The following CAMTA1 variants were observed in gnomAD, a reference collection of about 807,000 sequenced individuals.
The protein encoded by CAMTA1 is calmodulin binding transcription activator 1.
In CAMTA1, 27 loss-of-function variants were observed where a neutral mutation model predicts 170.9. That is an observed-to-expected ratio of 0.16 (90% CI 0.12 to 0.22). The LOEUF (loss-of-function observed/expected upper bound fraction) is 0.22, where lower values mean the gene tolerates loss of function less well. Among genes scored for constraint, CAMTA1 ranks in the 10% least tolerant of loss-of-function variants. The pLI, the probability that CAMTA1 is intolerant of heterozygous loss-of-function variation, is 1.00. For synonymous variants in CAMTA1, 833 were observed against 891.5 expected, an observed-to-expected ratio of 0.93 and a Z score of 1.17; for missense variants, 1,619 against 2,217.2, an observed-to-expected ratio of 0.73 and a Z score of 5.42.
In CAMTA1 at chr1:7,680,217, T is replaced by C. The variant is rs928174742; in HGVS notation, c.2914+2484T>C. 1.1e-5 allele frequency: 3 copies of C among 276,714 alleles called. No homozygotes were observed. Among genetic ancestry groups the C allele is most frequent in the South Asian group, 2.7e-5 (1 of 36,810 alleles). The allele number at this position is 276,714 out of a possible 1,614,324, so 17.1% of individuals were successfully genotyped here. ...CAATGCTGCAGTGGCCGGGCGGTGG[T>C]GAGCCTTCCGTTCCCCGCCTGTCCC... On this transcript the variant is annotated intron_variant, in intron 11 of 22. Coordinates refer to ENST00000303635, the MANE Select transcript of CAMTA1 (RefSeq NM_015215.4). This position sits in a 1 kb window ranked among gnomAD's most constrained non-coding sequence, Gnocchi z 4.4.
chr1:7,434,027 G>T (rs1241654960), intron 5 of CAMTA1, among the ~76,000 whole-genome samples: 1 of 152,100 alleles, frequency 6.6e-6, no homozygotes, highest in Non-Finnish European at 1.5e-5. Context: ...GCTTCGCCCT[G>T]TCCCCTGTCC....
intron 5 of CAMTA1, among the ~76,000 whole-genome samples, chr1:7,346,695 A>T (rs139709210): frequency 6.6e-6 from 1 of 152,318 alleles, no homozygotes; most frequent in East Asian, 1.9e-4. Flanking sequence ...GGGGACTGTC[A>T]TTCTCCCAGC....
At chr1:7,196,702 G>A (rs1655594109) in intron 4 of CAMTA1, among the ~76,000 whole-genome samples, 1 of 152,172 alleles carries the variant, frequency 6.6e-6, no homozygotes, top group Admixed American at 6.5e-5. Flanking sequence ...TAAAGAGATG[G>A]GTTCTAGATA....
chr1:7,229,560 A>AG (rs1662333093), intron 4 of CAMTA1, among the ~76,000 whole-genome samples: 2 of 51,748 alleles, frequency 3.9e-5, no homozygotes, highest in African/African-American at 7.7e-5. Flanking sequence ...GATGGGGTGG[A>AG]GAGGGGGAGA....
Position 7,592,003 on chromosome 1 carries a change from A to T in CAMTA1, c.511-48397A>T, listed in dbSNP as rs1257556948. ...AACCTCCGCCTTGTGGGTTCAAGTG[A>T]TTCTCCTGCCTCAGCCTCCTAAGTA... is the stretch of plus-strand genomic sequence containing the variant. On this transcript the variant is annotated intron_variant, in intron 6 of 22. Transcript: ENST00000303635. This position sits in a 1 kb window ranked among gnomAD's most constrained non-coding sequence, Gnocchi z 4.6. Among the ~76,000 whole-genome samples the T allele has an allele frequency of 6.6e-6, 1 of 152,112 alleles. No homozygotes were observed. Among genetic ancestry groups the T allele is most frequent in the African/African-American group, 2.4e-5 (1 of 41,412 alleles).
intron 3 of CAMTA1, chr1:6,871,679 A>G: frequency 2.4e-6 from 3 of 1,248,890 alleles, no homozygotes; most frequent in Non-Finnish European, 3.4e-6. Flanking sequence ...GTTCAGTTAC[A>G]GTGGAATCTT....
chr1:6,938,325 A>G (rs973378630), intron 3 of CAMTA1, among the ~76,000 whole-genome samples: 9 of 152,016 alleles, frequency 5.9e-5, no homozygotes, highest in African/African-American at 1.9e-4. Flanking sequence ...CGGCTGAGAG[A>G]CTGGTTGGCT....
chr1:7,031,029 G>A (rs558689674), intron 3 of CAMTA1, among the ~76,000 whole-genome samples: 46 of 95,452 alleles, frequency 4.8e-4, no homozygotes, highest in Non-Finnish European at 7.9e-4. Flanking sequence ...TTTTTTTTTA[G>A]TAGAGACAGG....
chr1:7,661,103 C>G (rs2095952613), intron 7 of CAMTA1, among the ~76,000 whole-genome samples: 1 of 152,248 alleles, frequency 6.6e-6, no homozygotes, highest in Non-Finnish European at 1.5e-5. Flanking sequence ...GCACTGGGCA[C>G]TGAGCTACCT....
Position 7,536,623 on chromosome 1 carries a change from G to A in CAMTA1, c.510+68722G>A, listed in dbSNP as rs374627633. Among the ~76,000 whole-genome samples the A allele has an allele frequency of 2.0e-4, 31 of 152,300 alleles. 1 individual carries two copies. In the South Asian group the frequency reaches 6.0e-3, roughly 30 times the overall value. ...ACCGGGCAGGGCTGCTGGGGGCAGG[G>A]ACGGGGCTGGGACACCGGCCCCTGG... On this transcript the variant is annotated intron_variant, in intron 6 of 22. Coordinates refer to ENST00000303635, the MANE Select transcript of CAMTA1 (RefSeq NM_015215.4).
At position 7,014,731 on chromosome 1, in the gene CAMTA1, C is replaced by T. The variant is rs557395981; in HGVS notation, c.235-76573C>T. Among the ~76,000 whole-genome samples, 5 of 152,290 alleles carry T rather than the reference C, an allele frequency of 3.3e-5. No homozygotes were observed. The highest frequency in any genetic ancestry group is 1.2e-4 in the African/African-American group (5 of 41,568). On this transcript the variant is annotated intron_variant, in intron 3 of 22. Transcript: ENST00000303635. The surrounding 1 kb of genome is among the most constrained non-coding windows in gnomAD (Gnocchi z 4.2). ...ACCAGGCTCCTCGTAAGAGGTGGGA[C>T]TCAGCCGAGGGGGCCAGTCTAGAGG...
At chr1:6,969,350 C>T (rs953814640) in intron 3 of CAMTA1, among the ~76,000 whole-genome samples, 11 of 152,104 alleles carry the variant, frequency 7.2e-5, no homozygotes, top group South Asian at 4.2e-4. Flanking sequence ...GGGCAAGGAA[C>T]GCTGCAGAAG....
rs1253528820 is a variant in CAMTA1 at position 7,766,457 on chromosome 1, A to G, written c.4990-2A>G. On this transcript the variant is annotated splice_acceptor_variant, in intron 22 of 22. Coordinates refer to ENST00000303635, the MANE Select transcript of CAMTA1 (RefSeq NM_015215.4). LOFTEE classifies it high-confidence loss of function. ...TGCTGTTTTGTTTTGTTTCTCTTCCAGAGTGAAAGAATTGAAAAAGGCCAA... is the reference window on the plus strand; with the variant it reads ...TGCTGTTTTGTTTTGTTTCTCTTCCGGAGTGAAAGAATTGAAAAAGGCCAA... 1 of 1,614,084 alleles carries G rather than the reference A, an allele frequency of 6.2e-7. No homozygotes were observed. The highest frequency in any genetic ancestry group is 1.1e-5 in the South Asian group (1 of 91,076).
chr1:7,406,602 G>A (rs1179808540), intron 5 of CAMTA1, among the ~76,000 whole-genome samples: 5 of 151,470 alleles, frequency 3.3e-5, no homozygotes, highest in East Asian at 1.9e-4. Context: ...AAGCACACAC[G>A]GATGTACACA....
At chr1:7,746,284 A>G (rs1466585294) in intron 18 of CAMTA1, among the ~76,000 whole-genome samples, 193 bp downstream of exon 18, 1 of 152,200 alleles carries the variant, frequency 6.6e-6, no homozygotes, top group African/African-American at 2.4e-5. Flanking sequence ...TTGTAAAAAT[A>G]TTTTATGGTA....
chr1:7,355,432 T>C (rs1254041770), intron 5 of CAMTA1, among the ~76,000 whole-genome samples: 1 of 152,142 alleles, frequency 6.6e-6, no homozygotes, highest in Non-Finnish European at 1.5e-5. Flanking sequence ...TCTTCTTCTG[T>C]CTACCCATCC....
intron 4 of CAMTA1, among the ~76,000 whole-genome samples, chr1:7,102,698 C>T (rs1012235335): frequency 6.6e-6 from 1 of 152,194 alleles, no homozygotes; most frequent in Non-Finnish European, 1.5e-5. Flanking sequence ...TGAAAATCCA[C>T]GGCCCTTCCA....
At chr1:6,901,206 C>A (rs1370676781) in intron 3 of CAMTA1, among the ~76,000 whole-genome samples, 1 of 152,202 alleles carries the variant, frequency 6.6e-6, no homozygotes, top group Non-Finnish European at 1.5e-5. Context: ...ATAAAATGAA[C>A]CTCAACCCAT....
chr1:6,868,326 A>G (rs1667338751), intron 3 of CAMTA1, among the ~76,000 whole-genome samples: 1 of 150,814 alleles, frequency 6.6e-6, no homozygotes, highest in Admixed American at 6.6e-5. Context: ...TTTAAAAACA[A>G]AACAAAACAA....
Sources: gnomAD v4.1 joint callset for allele counts (sites outside exome capture counted in the v4.1 genomes callset) on GRCh38, gnomAD v4.1.1 for gene constraint, Gnocchi (gnomAD v3.1) non-coding constraint, MANE v1.5 for transcripts, NCBI Gene and HGNC (gene_info 2026-07-23, HGNC 2026-07-21) for gene names.